IL3RA: variants seen among roughly 807,000 people sequenced by gnomAD.
The protein encoded by IL3RA is interleukin 3 receptor subunit alpha, also known as interleukin-3 receptor subunit alpha.
A neutral mutation model predicts 52.3 loss-of-function variants in IL3RA; 73 were observed. That is an observed-to-expected ratio of 1.40 (90% CI 1.16 to 1.70). The LOEUF is 1.70. Among genes scored for constraint, IL3RA ranks in the 40% most tolerant of loss-of-function variants. IL3RA has a pLI of 0.00. For synonymous variants in IL3RA, 260 were observed against 194.0 expected, an observed-to-expected ratio of 1.34 and a Z score of -2.83; for missense variants, 664 against 504.4, an observed-to-expected ratio of 1.32 and a Z score of -3.03.
At chrX:1,340,531 C>T (rs1435487863) in intron 1 of IL3RA, among the ~76,000 whole-genome samples, 2 of 152,136 alleles carry the variant, frequency 1.3e-5, no homozygotes, top group Non-Finnish European at 2.9e-5. Context: ...CATGCATGCA[C>T]ATAAATATGC....
chrX:1,379,310 T>G (rs1371393344), intron 10 of IL3RA, among the ~76,000 whole-genome samples: 2 of 151,762 alleles, frequency 1.3e-5, no homozygotes, highest in Non-Finnish European at 2.9e-5. Flanking sequence ...TGTGCAACAC[T>G]GCACCCAACT....
At chrX:1,364,346 C>G (rs1397195808) in intron 8 of IL3RA, among the ~76,000 whole-genome samples, 1 of 151,428 alleles carries the variant, frequency 6.6e-6, no homozygotes, top group Non-Finnish European at 1.5e-5. Context: ...ACAAAATTAA[C>G]CGAGCGTGGT....
chrX:1,349,999 G>A lies in IL3RA; in HGVS notation c.298+1454G>A, dbSNP rs763628175. Among the ~76,000 whole-genome samples the A allele has an allele frequency of 5.2e-4, 79 of 151,986 alleles. No homozygotes were observed. The South Asian group carries it at 0.01, about 20-fold the overall frequency. ...TAATGGATTTCCAGGGAGTTATGCC[G>A]AGTCGGAAAAAAAAGACCACTCCAG... is the stretch of plus-strand genomic sequence containing the variant. On this transcript the variant is annotated intron_variant, in intron 4 of 11. Coordinates refer to ENST00000331035, the MANE Select transcript of IL3RA (RefSeq NM_002183.4).
intron 11 of IL3RA, 65 bp from the exon 12 acceptor site, chrX:1,382,326 A>T (rs1483186986): frequency 9.5e-7 from 1 of 1,056,856 alleles, no homozygotes; most frequent in Non-Finnish European, 1.3e-6. Flanking sequence ...GCCCCCGCAG[A>T]TCAGGACGTG....
At chrX:1,348,682 C>CT (rs372946271) in intron 4 of IL3RA, 137 bp downstream of exon 4, 3 of 497,512 alleles carry the variant, frequency 6.0e-6, no homozygotes, top group Non-Finnish European at 7.0e-6. Context: ...TTCTTTCTTT[C>CT]TTTCTTTCTT....
At position 1,352,329 on chromosome X, in the gene IL3RA, CA is replaced by C; in HGVS notation, c.441del (p.Gln147HisfsTer62). On this transcript the variant is annotated frameshift_variant, in exon 6 of 12. Coordinates refer to ENST00000331035, the MANE Select transcript of IL3RA (RefSeq NM_002183.4). LOFTEE classifies it high-confidence loss of function. ...CCTTACCGCTTACCGCAGCAGGCGTCAACAGTACGAGTGTCTTCACTACAAA... is the reference window on the plus strand; with the variant it reads ...CCTTACCGCTTACCGCAGCAGGCGTCACAGTACGAGTGTCTTCACTACAAA... ...DLYLNVANRR[Q>X]QYECLHYKTD... 6.2e-7 allele frequency: 1 copy of C among 1,613,828 alleles called. No individual in the cohort carries two copies. The highest frequency in any genetic ancestry group is 8.5e-7 in the Non-Finnish European group (1 of 1,179,842).
chrX:1,377,872 CAAAAAAAA>C (rs35759027), intron 9 of IL3RA, among the ~76,000 whole-genome samples: 6,726 of 111,934 alleles, frequency 0.06, 575 homozygotes, highest in African/African-American at 0.19. Context: ...GACTCTGTCT[CAAAAAAAA>C]AAAAAAGAAA....
In IL3RA at chrX:1,381,020, G is replaced by C. The variant is rs369732834; in HGVS notation, c.981-3G>C. On this transcript the variant is annotated splice_region_variant and splice_polypyrimidine_tract_variant and intron_variant, in intron 10 of 11. Coordinates refer to ENST00000331035, the MANE Select transcript of IL3RA (RefSeq NM_002183.4). ...GAGCTGGGCCATTTCTCTTTCCTCC[G>C]AGGTATCTGGTGATGCAGAGACTCT... 2 of 1,613,582 alleles carry C rather than the reference G, an allele frequency of 1.2e-6. No individual in the cohort carries two copies. Among genetic ancestry groups the C allele is most frequent in the South Asian group, 1.1e-5 (1 of 91,072 alleles).
chrX:1,350,697 C>T (rs1317516913), intron 4 of IL3RA, among the ~76,000 whole-genome samples: 27 of 149,718 alleles, frequency 1.8e-4, no homozygotes, highest in Admixed American at 6.0e-4. Context: ...GTCAGGAGAT[C>T]GAGACCATCC....
intron 9 of IL3RA, among the ~76,000 whole-genome samples, chrX:1,367,831 T>C (rs1247949317): frequency 6.8e-6 from 1 of 147,506 alleles, no homozygotes; most frequent in Non-Finnish European, 1.5e-5. Context: ...GTGAGCGGGG[T>C]GCGCCATCCT....
chrX:1,361,196 CA>C, intron 8 of IL3RA, among the ~76,000 whole-genome samples: 1 of 74,562 alleles, frequency 1.3e-5, no homozygotes, highest in African/African-American at 6.5e-5. Context: ...TCTCTCTCTC[CA>C]TTCCCCTGTC....
chrX:1,367,854 C>T (rs2088277264), intron 9 of IL3RA, among the ~76,000 whole-genome samples: 1 of 151,346 alleles, frequency 6.6e-6, no homozygotes, highest in African/African-American at 2.4e-5. Context: ...GTCACGGAAA[C>T]ACTCCTCTCC....
chrX:1,379,463 A>G (rs1329197397), intron 10 of IL3RA, among the ~76,000 whole-genome samples: 4 of 151,602 alleles, frequency 2.6e-5, no homozygotes, highest in African/African-American at 9.7e-5. Flanking sequence ...GCCCCTTGAG[A>G]ATTATTCACA....
At chrX:1,348,812 C>T (rs1204125238) in intron 4 of IL3RA, among the ~76,000 whole-genome samples, 1 of 138,994 alleles carries the variant, frequency 7.2e-6, no homozygotes, top group African/African-American at 2.8e-5. Flanking sequence ...TCACTTCCTT[C>T]CCTCCCTCCT....
intron 7 of IL3RA, 116 bp downstream of exon 7, chrX:1,356,452 G>A: frequency 3.1e-6 from 2 of 654,588 alleles, no homozygotes; most frequent in East Asian, 2.8e-5. Flanking sequence ...CGTCACAGAA[G>A]GCATGGATCA....
intron 9 of IL3RA, among the ~76,000 whole-genome samples, chrX:1,378,332 G>T (rs1210469936): frequency 2.0e-5 from 3 of 152,162 alleles, no homozygotes; most frequent in African/African-American, 7.2e-5. Flanking sequence ...CTGCCGGCCT[G>T]CTGGGCACAG....
rs1399900152 is a variant in IL3RA, at chrX:1,345,327, C to CCA, written c.77_78dup (p.Ile27GlnfsTer5). 1 of 1,609,294 alleles carries CCA rather than the reference C, an allele frequency of 6.2e-7. No homozygotes were observed. Among genetic ancestry groups the CCA allele is most frequent in the East Asian group, 2.2e-5 (1 of 44,850 alleles). On this transcript the variant is annotated frameshift_variant, in exon 3 of 12. Coordinates refer to ENST00000331035, the MANE Select transcript of IL3RA (RefSeq NM_002183.4). LOFTEE classifies it high-confidence loss of function. ...TGTCACCGTTTTAGATCCAAACCCA[C>CCA]CAATCACGAACCTAAGGATGAAAGC...
chrX:1,364,789 CT>C, intron 8 of IL3RA, among the ~76,000 whole-genome samples: 2 of 143,452 alleles, frequency 1.4e-5, no homozygotes, highest in South Asian at 4.8e-4. Flanking sequence ...CTCTTTTCTT[CT>C]TTTATTTATT....
At chrX:1,348,199 A>G (rs186303198) in intron 3 of IL3RA, among the ~76,000 whole-genome samples, 1 of 150,290 alleles carries the variant, frequency 6.7e-6, no homozygotes, top group Non-Finnish European at 1.5e-5. Context: ...AAAATACTTT[A>G]AAAATTAGCT....
Sources: gnomAD v4.1 joint callset for allele counts (sites outside exome capture counted in the v4.1 genomes callset) on GRCh38, gnomAD v4.1.1 for gene constraint, MANE v1.5 for transcripts, NCBI Gene and HGNC (gene_info 2026-07-23, HGNC 2026-07-21) for gene names.